Variants in SPEF2 observed in about 807,000 individuals in gnomAD.
SPEF2 encodes the protein sperm flagella and cilia-associated protein 2.
Under a neutral mutation model 224.6 loss-of-function variants are expected in SPEF2, and 187 were observed. That is an observed-to-expected ratio of 0.83 (90% CI 0.74 to 0.94). SPEF2 has a LOEUF of 0.94. Ranked by LOEUF, SPEF2 falls within the 40% of genes least tolerant of loss-of-function variation. The probability of loss-of-function intolerance (pLI) is 0.00; values close to 1 mark genes in which losing one functional copy is unlikely to be tolerated. For synonymous variants in SPEF2, 715 were observed against 707.3 expected (o/e 1.01, Z -0.17); for missense variants, 2,170 against 2,135.6 (o/e 1.02, Z -0.32).
intron 16 of SPEF2, chr5:35,702,212 T>C (rs1738781305): frequency 2.2e-6 from 1 of 456,080 alleles, no homozygotes; most frequent in African/African-American, 2.0e-5. Context: ...CAACATGCAG[T>C]TCTGCAGTGC....
chr5:35,691,308 T>C, intron 11 of SPEF2, 52 bp downstream of exon 11: 1 of 1,383,540 alleles, frequency 7.2e-7, no homozygotes, highest in Admixed American at 1.7e-5. Context: ...TTACACTGAC[T>C]GTAGCTGCAA....
intron 10 of SPEF2, among the ~76,000 whole-genome samples, chr5:35,683,389 C>G (rs1345857115): frequency 6.6e-6 from 1 of 152,102 alleles, no homozygotes; most frequent in African/African-American, 2.4e-5. Flanking sequence ...CTTTGGGAGG[C>G]TGAGGTGGGT....
At position 35,617,920 on chromosome 5, in the gene SPEF2, A is replaced by G; in HGVS notation, c.-78A>G. 1.4e-5 allele frequency: 20 copies of G among 1,429,854 alleles called. No homozygotes were observed. Among genetic ancestry groups the G allele is most frequent in the East Asian group, 2.5e-5 (1 of 40,530 alleles). 88.6% of individuals were successfully genotyped at this position (1,429,854 alleles called of 1,614,324 possible). The stretch of plus-strand genomic sequence containing the variant: ...ATAGCAAAGGGTTGCCCTTGGCTAC[A>G]GGAGGACGCGGGCTGGCAGGCTTGG... On this transcript the variant is annotated 5_prime_UTR_variant, in exon 1 of 37. Coordinates refer to ENST00000356031, the MANE Select transcript of SPEF2 (RefSeq NM_024867.4).
chr5:35,754,631 T>G (rs1375055797), intron 24 of SPEF2, among the ~76,000 whole-genome samples: 1 of 152,108 alleles, frequency 6.6e-6, no homozygotes, highest in Non-Finnish European at 1.5e-5. Flanking sequence ...CTTTCCTGGG[T>G]TGTACAACTG....
At chr5:35,625,730 A>G (rs1475258482) in intron 1 of SPEF2, among the ~76,000 whole-genome samples, 1 of 152,204 alleles carries the variant, frequency 6.6e-6, no homozygotes, top group Non-Finnish European at 1.5e-5. Flanking sequence ...GAAGAAAGCA[A>G]CAGACAGAAG....
chr5:35,679,688 G>C (rs1470552449), intron 10 of SPEF2, among the ~76,000 whole-genome samples: 1 of 152,124 alleles, frequency 6.6e-6, no homozygotes, highest in African/African-American at 2.4e-5. Context: ...CATTGACATG[G>C]GCTGCTCTTC....
chr5:35,729,958 T>C (rs1278661248), intron 21 of SPEF2, among the ~76,000 whole-genome samples: 1 of 152,138 alleles, frequency 6.6e-6, no homozygotes, highest in African/African-American at 2.4e-5. Context: ...AATTAAACCT[T>C]TTTCTTCCCA....
intron 25 of SPEF2, among the ~76,000 whole-genome samples, chr5:35,760,052 C>G (rs1385467054): frequency 2.0e-5 from 3 of 152,104 alleles, no homozygotes; most frequent in Admixed American, 2.0e-4. Context: ...TTGGCCCCAA[C>G]GGTTTCTGGT....
intron 20 of SPEF2, among the ~76,000 whole-genome samples, chr5:35,723,688 C>T (rs1157661561): frequency 1.3e-5 from 2 of 152,118 alleles, no homozygotes; most frequent in East Asian, 3.9e-4. Flanking sequence ...CTCAAAGACA[C>T]AATGCTTATT....
intron 36 of SPEF2, among the ~76,000 whole-genome samples, chr5:35,811,747 A>G (rs1243840267): frequency 1.3e-5 from 2 of 149,278 alleles, no homozygotes; most frequent in African/African-American, 5.0e-5. Context: ...GTGCAAAAGT[A>G]GTTGCAGTTT....
intron 18 of SPEF2, among the ~76,000 whole-genome samples, chr5:35,708,639 TACCAGC>T (rs1561236254): frequency 2.1e-3 from 2 of 934 alleles, no homozygotes; most frequent in Non-Finnish European, 5.2e-3. Context: ...CCATCACCTC[TACCAGC>T]ACCTCCACCA....
chr5:35,626,545 G>A (rs1324084742), intron 1 of SPEF2, among the ~76,000 whole-genome samples: 2 of 151,894 alleles, frequency 1.3e-5, no homozygotes, highest in Non-Finnish European at 1.5e-5. Flanking sequence ...GTGATCCATA[G>A]ACAAAAAAAG....
intron 34 of SPEF2, among the ~76,000 whole-genome samples, chr5:35,801,749 A>G (rs1757451161): frequency 6.6e-6 from 1 of 151,868 alleles, no homozygotes; most frequent in Non-Finnish European, 1.5e-5. Flanking sequence ...CCCATGGTGC[A>G]CCCTGCTTCC....
At chr5:35,774,608 A>T (rs549781389) in intron 28 of SPEF2, among the ~76,000 whole-genome samples, 3 of 152,154 alleles carry the variant, frequency 2.0e-5, no homozygotes, top group Non-Finnish European at 2.9e-5. Context: ...TTGTCTTGTA[A>T]TGCAATTCTA....
chr5:35,774,121 T>C, intron 28 of SPEF2, 100 bp downstream of exon 28: 6 of 1,452,480 alleles, frequency 4.1e-6, no homozygotes, highest in Non-Finnish European at 3.7e-6. Context: ...ACCATGTCTA[T>C]GAGAACATAC....
intron 29 of SPEF2, among the ~76,000 whole-genome samples, chr5:35,778,314 A>G (rs376435602): frequency 6.6e-6 from 1 of 152,230 alleles, no homozygotes; most frequent in Non-Finnish European, 1.5e-5. Flanking sequence ...TACCCCCAGT[A>G]CAGTTTAAAT....
At chr5:35,789,318 C>T (rs751763299) in intron 30 of SPEF2, 2 of 703,434 alleles carry the variant, frequency 2.8e-6, no homozygotes, top group South Asian at 3.0e-5. Flanking sequence ...TCCTCAATTG[C>T]TGACATATTT....
At chr5:35,805,964 T>C (rs1220193738) in intron 34 of SPEF2, among the ~76,000 whole-genome samples, 1 of 152,090 alleles carries the variant, frequency 6.6e-6, no homozygotes, top group Admixed American at 6.5e-5. Context: ...GAATCTTAGG[T>C]TTTCTATTTT....
At position 35,727,778 on chromosome 5, in the gene SPEF2, G is replaced by C. The variant is rs1561269802; in HGVS notation, c.3018G>C (p.Lys1006Asn). 1 of 1,613,984 alleles carries C rather than the reference G, an allele frequency of 6.2e-7. No individual in the cohort carries two copies. The highest frequency in any genetic ancestry group is 8.5e-7 in the Non-Finnish European group (1 of 1,179,910). ...SPVAIVPQPP[K>N]PGSEEWVYVN... ...TTGCAATAGTGCCACAGCCACCTAA[G>C]CCAGGATCAGAAGAATGGGTCTATG... The change falls in exon 21 of 37, where the codon AAG becomes AAC. Residue 1006 changes from lysine (K) to asparagine (N), a missense_variant. Transcript: ENST00000356031.
Sources: allele counts gnomAD v4.1 joint callset (sites outside exome capture counted in the v4.1 genomes callset), GRCh38; gene constraint gnomAD v4.1.1; transcripts MANE v1.5; gene names NCBI Gene and HGNC (gene_info 2026-07-23, HGNC 2026-07-21).